Variants in STT3B observed in about 807,000 individuals in gnomAD.
The protein encoded by STT3B is STT3 oligosaccharyltransferase complex catalytic subunit B.
Under a neutral mutation model 96.8 loss-of-function variants are expected in STT3B, and 29 were observed. The ratio of observed to expected loss-of-function variants is 0.30; its 90% CI spans 0.22 to 0.41. STT3B has a LOEUF of 0.41. Ranked by LOEUF, STT3B falls within the 10% of genes least tolerant of loss-of-function variation. The pLI is 1.00. For synonymous variants in STT3B, 367 were observed against 360.0 expected (o/e 1.02, Z -0.22); for missense variants, 640 against 1,022.3 (o/e 0.63, Z 5.10).
intron 1 of STT3B, among the ~76,000 whole-genome samples, chr3:31,543,925 AC>A (rs1697341410): frequency 1.3e-5 from 2 of 152,250 alleles, no homozygotes; most frequent in South Asian, 4.1e-4. Flanking sequence ...ATATACAAAA[AC>A]CATATGAGTT....
At chr3:31,585,568 TTTG>T (rs1454597961) in intron 3 of STT3B, among the ~76,000 whole-genome samples, 3 of 151,930 alleles carry the variant, frequency 2.0e-5, no homozygotes, top group Non-Finnish European at 2.9e-5. Context: ...TTTGTTTTGT[TTTG>T]TTTTTTGTTT....
chr3:31,572,952 T>G (rs1425092795), intron 1 of STT3B, among the ~76,000 whole-genome samples: 1 of 152,166 alleles, frequency 6.6e-6, no homozygotes, highest in Non-Finnish European at 1.5e-5. Context: ...TGAATAGATA[T>G]TAAGGAAACA....
intron 1 of STT3B, among the ~76,000 whole-genome samples, chr3:31,548,474 CAAAAT>C (rs1381216909): frequency 6.6e-6 from 1 of 152,026 alleles, no homozygotes; most frequent in Non-Finnish European, 1.5e-5. Flanking sequence ...TTTGTATTCT[CAAAAT>C]AAATTTTAAA....
chr3:31,615,028 G>T, intron 5 of STT3B, 77 bp from the exon 6 acceptor site: 4 of 817,314 alleles, frequency 4.9e-6, no homozygotes, highest in Non-Finnish European at 7.6e-6. Context: ...CTAAAAACAG[G>T]ATTTACATAT....
intron 1 of STT3B, among the ~76,000 whole-genome samples, chr3:31,547,147 C>T (rs1697432478): frequency 6.6e-6 from 1 of 152,124 alleles, no homozygotes; most frequent in Admixed American, 6.5e-5. Flanking sequence ...CCTGGAGTGA[C>T]AGAGTAGGCA....
intron 1 of STT3B, among the ~76,000 whole-genome samples, chr3:31,574,035 T>A (rs557418606): frequency 6.6e-6 from 1 of 152,176 alleles, no homozygotes; most frequent in Non-Finnish European, 1.5e-5. Context: ...AGGAAAACTT[T>A]ATGAGGTTGG....
chr3:31,567,366 A>G (rs557692222), intron 1 of STT3B, among the ~76,000 whole-genome samples: 1 of 151,568 alleles, frequency 6.6e-6, no homozygotes, highest in Non-Finnish European at 1.5e-5. Context: ...TCTGTTCCTG[A>G]TTGATTCTTT....
At chr3:31,562,499 A>C (rs920392280) in intron 1 of STT3B, among the ~76,000 whole-genome samples, 1 of 152,058 alleles carries the variant, frequency 6.6e-6, no homozygotes, top group African/African-American at 2.4e-5. Flanking sequence ...AGCTGGGTGG[A>C]CCGGCTGGCA....
At chr3:31,564,931 C>CAA (rs1391656783) in intron 1 of STT3B, among the ~76,000 whole-genome samples, 8 of 152,156 alleles carry the variant, frequency 5.3e-5, no homozygotes, top group Non-Finnish European at 1.2e-4. Flanking sequence ...TTATTCAAAT[C>CAA]AAAATACCAA....
chr3:31,555,020 T>G (rs1697669351), intron 1 of STT3B, among the ~76,000 whole-genome samples: 2 of 152,182 alleles, frequency 1.3e-5, no homozygotes, highest in Non-Finnish European at 2.9e-5. Flanking sequence ...TGGATTCCAC[T>G]GACTGGCCTC....
At position 31,622,145 on chromosome 3, in the gene STT3B, G is replaced by A. The variant is rs1252156465; in HGVS notation, c.1376G>A (p.Arg459Gln). ...SAVYFAGVMVRLMLTLTPVVC... is the reference protein window; with the variant it reads ...SAVYFAGVMVQLMLTLTPVVC... The stretch of plus-strand genomic sequence containing the variant: ...GTCTACTTTGCTGGAGTGATGGTGC[G>A]ACTGATGTTGACTTTGACTCCAGTC... Residue 459 changes from arginine (R) to glutamine (Q), a missense_variant, in exon 10 of 16, where the codon CGA becomes CAA. Transcript: ENST00000295770. The A allele has an allele frequency of 1.2e-6, 2 of 1,614,054 alleles. No individual in the cohort carries two copies. The highest frequency in any genetic ancestry group is 2.2e-5 in the East Asian group (1 of 44,880).
intron 3 of STT3B, among the ~76,000 whole-genome samples, chr3:31,593,838 A>G (rs897282399): frequency 3.9e-5 from 6 of 152,144 alleles, no homozygotes; most frequent in Non-Finnish European, 7.4e-5. Context: ...CCTTGAACAT[A>G]TAACAGCTGT....
chr3:31,541,105 T>C (rs1697254521), intron 1 of STT3B, among the ~76,000 whole-genome samples: 1 of 152,232 alleles, frequency 6.6e-6, no homozygotes, highest in South Asian at 2.1e-4. Context: ...TAAATGTTTC[T>C]ATAAACAAGA....
intron 1 of STT3B, among the ~76,000 whole-genome samples, chr3:31,559,704 A>G (rs1301304652): frequency 1.3e-5 from 2 of 152,030 alleles, no homozygotes; most frequent in Non-Finnish European, 2.9e-5. Flanking sequence ...TGTCAAGTAC[A>G]TTTTGTCTAA....
At position 31,616,960 on chromosome 3, in the gene STT3B, C is replaced by G. The variant is rs1699319405; in HGVS notation, c.1008C>G (p.Phe336Leu). 6.2e-7 allele frequency: 1 copy of G among 1,611,508 alleles called. No homozygotes were observed. Among genetic ancestry groups the G allele is most frequent in the Non-Finnish European group, 8.5e-7 (1 of 1,178,210 alleles). ...TTGCATTGCTGCAAGCTTATGCTTT[C>G]TTGCAGTATCTGAGAGACCGATTAA... is the stretch of plus-strand genomic sequence containing the variant. The part of the protein sequence containing the change: ...GVFALLQAYA[F>L]LQYLRDRLTK... The change falls in exon 7 of 16, where the codon TTC (phenylalanine) becomes TTG (leucine). Residue 336 changes from phenylalanine (F) to leucine (L), a missense_variant. Phe to Leu is a conservative substitution (Grantham distance 22). Around this residue, in one of 8 missense-constraint regions of STT3B, gnomAD observed 267 missense variants for 388.3 expected, o/e 0.69. Coordinates refer to ENST00000295770, the MANE Select transcript of STT3B (RefSeq NM_178862.3).
intron 14 of STT3B, among the ~76,000 whole-genome samples, chr3:31,630,204 G>A (rs997875271): frequency 1.8e-4 from 28 of 152,170 alleles, no homozygotes; most frequent in African/African-American, 6.8e-4. Flanking sequence ...CAGAGAAAAA[G>A]TTCTATCTAA....
At chr3:31,625,386 A>G (rs1214676041) in intron 12 of STT3B, among the ~76,000 whole-genome samples, 3 of 152,232 alleles carry the variant, frequency 2.0e-5, no homozygotes, top group Non-Finnish European at 4.4e-5. Flanking sequence ...TTTTCGTGTT[A>G]TAAACTAAAA....
At chr3:31,629,836 G>A (rs1249948793) in intron 14 of STT3B, among the ~76,000 whole-genome samples, 7 of 152,162 alleles carry the variant, frequency 4.6e-5, no homozygotes, top group African/African-American at 1.2e-4. Context: ...CCCATTCTCC[G>A]TTACCACAAA....
chr3:31,624,787 G>C (rs1318577866), intron 11 of STT3B, 127 bp from the exon 12 acceptor site: 1 of 655,584 alleles, frequency 1.5e-6, no homozygotes, highest in African/African-American at 1.8e-5. Context: ...CATTGGTAGA[G>C]GCTTTTACTT....
Sources: gnomAD v4.1 joint callset for allele counts (sites outside exome capture counted in the v4.1 genomes callset) on GRCh38, gnomAD v4.1.1 for gene constraint, gnomAD v4.1.1 regional missense constraint, MANE v1.5 for transcripts, NCBI Gene and HGNC (gene_info 2026-07-23, HGNC 2026-07-21) for gene names.